Variants in ARL13B observed in about 807,000 individuals in gnomAD.
ARL13B encodes ADP-ribosylation factor-like protein 13B.
Under a neutral mutation model 56.1 loss-of-function variants are expected in ARL13B, and 36 were observed. The observed-to-expected ratio is 0.64, with a 90% CI of 0.49 to 0.85. The LOEUF is 0.85. ARL13B is among the 40% of genes least tolerant of loss of function. The probability of loss-of-function intolerance (pLI) is 0.00; values close to 1 mark genes in which losing one functional copy is unlikely to be tolerated. For missense variants in ARL13B, 519 were observed against 507.1 expected (o/e 1.02, Z -0.23); for synonymous variants, 178 against 171.1 (o/e 1.04, Z -0.32).
chr3:93,999,205 T>C lies in ARL13B; in HGVS notation c.130+3261T>C, dbSNP rs1364468086. Among the ~76,000 whole-genome samples, 6 of 152,022 alleles carry C rather than the reference T, an allele frequency of 3.9e-5. No homozygotes were observed. The East Asian group carries it at 1.2e-3, about 29-fold the overall frequency. ...ATCCTCCTGCCTTGGCCTCCCGAAG[T>C]GTTGGGATAGTAGGCATGAGCCACT... On this transcript the variant is annotated intron_variant, in intron 2 of 9. Transcript: ENST00000394222.
chr3:94,031,932 G>A (rs554124670), intron 3 of ARL13B, among the ~76,000 whole-genome samples: 56 of 152,110 alleles, frequency 3.7e-4, no homozygotes, highest in Non-Finnish European at 6.0e-4. Flanking sequence ...TTAACTCAGG[G>A]TGCATTAAAG....
rs368735563 is a variant in ARL13B, at chr3:94,044,570, G to A, written c.1024+1330G>A. ...AGGTGAGGAGCGCCTCTGCCTGGCC[G>A]CCACCGCATCTGGGAGGTGAGGAGC... On this transcript the variant is annotated intron_variant, in intron 7 of 9. Coordinates refer to ENST00000394222, the MANE Select transcript of ARL13B (RefSeq NM_001174150.2). Among the ~76,000 whole-genome samples, 127 of 142,930 alleles carry A rather than the reference G, an allele frequency of 8.9e-4. 1 individual carries two copies. The highest frequency in any genetic ancestry group is 4.1e-3 in the Middle Eastern group (1 of 246). 93.8% of individuals were successfully genotyped at this position (142,930 alleles called of 152,430 possible).
chr3:94,026,112 C>T lies in ARL13B; in HGVS notation c.381-9219C>T, dbSNP rs144283311. Among the ~76,000 whole-genome samples, 1,125 of 151,854 alleles carry T rather than the reference C, an allele frequency of 7.4e-3. 8 individuals are homozygous for T. The highest frequency in any genetic ancestry group is 0.024 in the African/African-American group (981 of 41,424). ...TCGGCTCACTGCAAGCTCCGCCTTC[C>T]GGGTTCACGCCATTCTCCTGCCTCA... On this transcript the variant is annotated intron_variant, in intron 3 of 9. Coordinates refer to ENST00000394222, the MANE Select transcript of ARL13B (RefSeq NM_001174150.2).
intron 3 of ARL13B, among the ~76,000 whole-genome samples, chr3:94,017,847 A>G (rs1219009382): frequency 6.6e-6 from 1 of 152,152 alleles, no homozygotes; most frequent in Non-Finnish European, 1.5e-5. Flanking sequence ...TTAGGAACAG[A>G]GTTATTGCAT....
chr3:93,991,047 T>C (rs1241253056), intron 1 of ARL13B, among the ~76,000 whole-genome samples: 1 of 152,198 alleles, frequency 6.6e-6, no homozygotes, highest in Admixed American at 6.5e-5. Flanking sequence ...TATGTTTTAG[T>C]CACTGTCACT....
At chr3:94,019,747 C>T (rs188203850) in intron 3 of ARL13B, among the ~76,000 whole-genome samples, 2 of 152,280 alleles carry the variant, frequency 1.3e-5, no homozygotes, top group African/African-American at 2.4e-5. Flanking sequence ...CTTCTGTTAC[C>T]CCTCCGACCT....
At chr3:93,990,981 C>T (rs2075865647) in intron 1 of ARL13B, among the ~76,000 whole-genome samples, 1 of 152,184 alleles carries the variant, frequency 6.6e-6, no homozygotes, top group Admixed American at 6.5e-5. Flanking sequence ...CCATTATCAT[C>T]TTACATATAT....
At chr3:93,981,222 C>A (rs1222603699) in intron 1 of ARL13B, among the ~76,000 whole-genome samples, 4 of 152,194 alleles carry the variant, frequency 2.6e-5, no homozygotes, top group Admixed American at 2.0e-4. Context: ...TTGTGCCAGG[C>A]ACTGTCTTAG....
chr3:94,019,237 C>T (rs1309620247), intron 3 of ARL13B, among the ~76,000 whole-genome samples: 1 of 151,982 alleles, frequency 6.6e-6, no homozygotes, highest in African/African-American at 2.4e-5. Context: ...CCCTCTGTTG[C>T]CTAGGCTGGA....
intron 3 of ARL13B, among the ~76,000 whole-genome samples, chr3:94,018,684 C>T (rs2076383833): frequency 6.6e-6 from 1 of 152,194 alleles, no homozygotes; most frequent in Non-Finnish European, 1.5e-5. Context: ...AGCTCATAAT[C>T]TTCCTGTGAA....
chr3:94,007,354 A>G (rs1222850468), intron 3 of ARL13B, among the ~76,000 whole-genome samples: 3 of 152,196 alleles, frequency 2.0e-5, no homozygotes, highest in Admixed American at 1.3e-4. Flanking sequence ...GTTCTTCTCT[A>G]CTTGCTCCTA....
At chr3:93,995,260 T>C (rs1381528436) in intron 1 of ARL13B, among the ~76,000 whole-genome samples, 2 of 152,180 alleles carry the variant, frequency 1.3e-5, no homozygotes, top group Non-Finnish European at 2.9e-5. Flanking sequence ...TTGTGTGAGC[T>C]TTGACCAGAT....
At chr3:94,025,198 C>G (rs2076529601) in intron 3 of ARL13B, among the ~76,000 whole-genome samples, 1 of 151,044 alleles carries the variant, frequency 6.6e-6, no homozygotes, top group East Asian at 1.9e-4. Flanking sequence ...TTTAAGGAGC[C>G]CTTTAAAATA....
At chr3:93,996,004 TTTG>T in intron 2 of ARL13B, 60 bp downstream of exon 2, 2 of 1,512,190 alleles carry the variant, frequency 1.3e-6, no homozygotes, top group South Asian at 2.3e-5. Flanking sequence ...AATTATTTAT[TTTG>T]TTAAGTTGCT....
rs2076848427 is a variant in ARL13B, at chr3:94,040,773, A to T, written c.798+785A>T. 2.0e-5 allele frequency among the ~76,000 whole-genome samples: 3 copies of T among 151,860 alleles called. No individual in the cohort carries two copies. The South Asian group carries it at 6.2e-4, about 32-fold the overall frequency. On this transcript the variant is annotated intron_variant, in intron 6 of 9. Transcript: ENST00000394222. ...TCTTTTAAAAATATTGAGAGAGAAG[A>T]GGTCAAGTTGTACTTTTTACTTTGA...
chr3:93,985,332 T>C (rs1710404770), intron 1 of ARL13B, among the ~76,000 whole-genome samples: 1 of 152,210 alleles, frequency 6.6e-6, no homozygotes, highest in South Asian at 2.1e-4. Flanking sequence ...GCTCCTGTTA[T>C]TTATAACATA....
intron 5 of ARL13B, among the ~76,000 whole-genome samples, chr3:94,038,662 A>C (rs1430846682): frequency 1.3e-5 from 2 of 151,490 alleles, no homozygotes; most frequent in Non-Finnish European, 2.9e-5. Context: ...TAATGGGGAT[A>C]ACAGGCATGC....
At chr3:93,997,918 T>C (rs537403035) in intron 2 of ARL13B, among the ~76,000 whole-genome samples, 3 of 152,152 alleles carry the variant, frequency 2.0e-5, no homozygotes, top group Non-Finnish European at 2.9e-5. Flanking sequence ...ACCCCGGAGA[T>C]GGAGGTTGAG....
intron 3 of ARL13B, chr3:94,015,189 T>G (rs749882541): frequency 3.1e-6 from 5 of 1,613,548 alleles, no homozygotes; most frequent in Non-Finnish European, 4.2e-6. Context: ...GTTCCTCTGT[T>G]TCTGTAGTTG....
Sources: gnomAD v4.1 joint callset for allele counts (sites outside exome capture counted in the v4.1 genomes callset) on GRCh38, gnomAD v4.1.1 for gene constraint, MANE v1.5 for transcripts, NCBI Gene and HGNC (gene_info 2026-07-23, HGNC 2026-07-21) for gene names.